CCDC47: variants seen among roughly 807,000 people sequenced by gnomAD.
CCDC47 encodes PAT complex subunit CCDC47.
CCDC47 carries 41 observed loss-of-function variants against 60.5 expected under a neutral mutation model. The observed-to-expected ratio is 0.68, with a 90% CI of 0.53 to 0.88. The LOEUF (loss-of-function observed/expected upper bound fraction) is 0.88. Among genes scored for constraint, CCDC47 ranks in the 40% least tolerant of loss-of-function variants. The pLI is 0.00. For synonymous variants in CCDC47, 195 were observed against 190.7 expected, an observed-to-expected ratio of 1.02 and a Z score of -0.18; for missense variants, 513 against 580.9, an observed-to-expected ratio of 0.88 and a Z score of 1.20.
intron 12 of CCDC47, among the ~76,000 whole-genome samples, chr17:63,749,644 G>C (rs1489951705): frequency 6.6e-6 from 1 of 151,700 alleles, no homozygotes; most frequent in Non-Finnish European, 1.5e-5. Flanking sequence ...AGCTACTAGG[G>C]AGGCTGAGGC....
rs1296666339 is a variant in CCDC47, at chr17:63,772,681, A to G, written c.-20+731T>C. 4 of 152,332 alleles carry G rather than the reference A, an allele frequency of 2.6e-5. No homozygotes were observed. The East Asian group carries it at 7.7e-4, about 29-fold the overall frequency. The allele number at this position is 152,332 out of a possible 1,614,324, so 9.4% of individuals were successfully genotyped here. On this transcript the variant is annotated intron_variant, in intron 1 of 12. Coordinates refer to ENST00000225726, the MANE Select transcript of CCDC47 (RefSeq NM_020198.3). ...CATTTCAAATTGAATTTCCAATTAG[A>G]ATATTCACACCATAGAAACACTTCT...
chr17:63,754,365 C>G lies in CCDC47; in HGVS notation c.1034+68G>C. The G allele has an allele frequency of 4.2e-6, 4 of 942,784 alleles. No individual in the cohort carries two copies. The South Asian group carries it at 5.6e-5, about 13-fold the overall frequency. 58.4% of individuals were successfully genotyped at this position (942,784 alleles called of 1,614,324 possible). On this transcript the variant is annotated intron_variant, in intron 9 of 12. Coordinates refer to ENST00000225726, the MANE Select transcript of CCDC47 (RefSeq NM_020198.3). ...TTGGTAAGGGATATTGCAGAAGCAC[C>G]TTACAGGTGTTTCAACACAGAAAGC...
At chr17:63,766,964 G>C (rs781009796) in intron 1 of CCDC47, 2 of 982,956 alleles carry the variant, frequency 2.0e-6, no homozygotes, top group African/African-American at 1.7e-5. Context: ...ATTATCATAA[G>C]AGCAAACACT....
Position 63,765,986 on chromosome 17 carries a change from C to A in CCDC47, c.190G>T (p.Glu64Ter). The A allele has an allele frequency of 1.2e-6, 2 of 1,614,120 alleles. No individual in the cohort carries two copies. The highest frequency in any genetic ancestry group is 1.7e-6 in the Non-Finnish European group (2 of 1,179,990). Residue 64 changes from glutamate (E) to a stop codon, truncating the protein, a stop_gained, in exon 2 of 13, where the codon GAA (glutamate) becomes TAA (stop). Coordinates refer to ENST00000225726, the MANE Select transcript of CCDC47 (RefSeq NM_020198.3). LOFTEE classifies it high-confidence loss of function. ...TCCAACTCCACAGTGGTCTCATCTT[C>A]ATCATCTTCAGTGATTATGACCCGT... ...PQRVIITEDD[E>*]DETTVELEGQ...
At position 63,747,055 on chromosome 17, in the gene CCDC47, A is replaced by G. The variant is rs1414426979; in HGVS notation, c.1372-94T>C. ...CATATGTTAAAAAAAAATCCAAATT[A>G]GAATACTGCCTATAGTATTATTCAA... On this transcript the variant is annotated intron_variant, in intron 12 of 12. Coordinates refer to ENST00000225726, the MANE Select transcript of CCDC47 (RefSeq NM_020198.3). 2.5e-5 allele frequency: 38 copies of G among 1,534,824 alleles called. No individual in the cohort carries two copies. In the Admixed American group the frequency reaches 7.9e-4, roughly 32 times the overall value.
chr17:63,764,929 G>A, intron 2 of CCDC47, 82 bp from the exon 3 acceptor site: 2 of 1,539,238 alleles, frequency 1.3e-6, no homozygotes, highest in Non-Finnish European at 8.7e-7. Context: ...CATTTGTTGG[G>A]GAAAACAAGA....
intron 4 of CCDC47, 35 bp downstream of exon 4, chr17:63,763,981 A>G: frequency 6.5e-7 from 1 of 1,537,382 alleles, no homozygotes; most frequent in Non-Finnish European, 8.7e-7. Context: ...GATTGTTTTC[A>G]AGCAAGAAGC....
At chr17:63,759,503 A>AG (rs2039233294) in intron 6 of CCDC47, among the ~76,000 whole-genome samples, 1 of 25,796 alleles carries the variant, frequency 3.9e-5, no homozygotes, top group Non-Finnish European at 5.7e-5. Flanking sequence ...AAAAAAAAAA[A>AG]AAAAAATATA....
intron 9 of CCDC47, 186 bp from the exon 10 acceptor site, chr17:63,752,985 G>T: frequency 1.1e-6 from 1 of 888,512 alleles, no homozygotes; most frequent in Non-Finnish European, 1.3e-6. Context: ...TCTATCTGAT[G>T]GATGCATTCT....
chr17:63,749,683 A>C (rs2039147962), intron 12 of CCDC47, among the ~76,000 whole-genome samples: 1 of 151,904 alleles, frequency 6.6e-6, no homozygotes, highest in South Asian at 2.1e-4. Flanking sequence ...CGGGAGGTGG[A>C]GGCTGCAGCG....
At chr17:63,765,302 A>T (rs2039289722) in intron 2 of CCDC47, among the ~76,000 whole-genome samples, 1 of 152,068 alleles carries the variant, frequency 6.6e-6, no homozygotes, top group Non-Finnish European at 1.5e-5. Flanking sequence ...CAAAACACCA[A>T]AATGATGAGT....
In CCDC47 at chr17:63,756,547, A is replaced by G. The variant is rs1161480561; in HGVS notation, c.759T>C (p.Asp253=). 1 of 1,613,404 alleles carries G rather than the reference A, an allele frequency of 6.2e-7. No individual in the cohort carries two copies. Reference sequence around the variant, plus strand: ...CAAATACGTAGGTATCCATGTCTTCATCATTCATGGTTACTTTTATTTGCT... The same window carrying G: ...CAAATACGTAGGTATCCATGTCTTCGTCATTCATGGTTACTTTTATTTGCT... The part of the protein sequence containing the change: ...DQVQIKVTMN[D]EDMDTYVFAV... Residue 253 remains aspartate, a synonymous_variant, in exon 7 of 13, where the codon GAT becomes GAC. Transcript: ENST00000225726.
chr17:63,755,258 C>T (rs895882030), intron 8 of CCDC47: 23 of 980,904 alleles, frequency 2.3e-5, no homozygotes, highest in Admixed American at 6.2e-5. Context: ...TGAACCACAG[C>T]GCGCGGACAA....
At chr17:63,765,834 A>G in intron 2 of CCDC47, 78 bp downstream of exon 2, 2 of 1,463,788 alleles carry the variant, frequency 1.4e-6, no homozygotes, top group Non-Finnish European at 1.8e-6. Context: ...AGGTCTCTTG[A>G]GCCTGAGGAT....
chr17:63,770,262 C>A, intron 1 of CCDC47, among the ~76,000 whole-genome samples: 1 of 151,990 alleles, frequency 6.6e-6, no homozygotes, highest in East Asian at 1.9e-4. Flanking sequence ...CATGAGCCAC[C>A]GTGCCCGGAC....
intron 12 of CCDC47, among the ~76,000 whole-genome samples, chr17:63,749,976 T>C (rs531227795): frequency 6.6e-6 from 1 of 151,838 alleles, no homozygotes; most frequent in East Asian, 1.9e-4. Flanking sequence ...TAAAAATAAA[T>C]TAAAAGAAAA....
At position 63,762,301 on chromosome 17, in the gene CCDC47, T is replaced by C. The variant is rs536824258; in HGVS notation, c.548-950A>G. ...GCCAAAGCTGCTCATTTATTTTTTT[T>C]CGAATTTCCTGGTCAAAACATACTC... is the stretch of plus-strand genomic sequence containing the variant. On this transcript the variant is annotated intron_variant, in intron 4 of 12. Coordinates refer to ENST00000225726, the MANE Select transcript of CCDC47 (RefSeq NM_020198.3). The C allele has an allele frequency of 3.1e-6, 3 of 952,558 alleles. No homozygotes were observed. In the South Asian group the frequency reaches 1.5e-4, roughly 46 times the overall value. 59.0% of individuals were successfully genotyped at this position (952,558 alleles called of 1,614,324 possible). A position where few individuals can be genotyped will look rare whatever the true frequency, so the allele number is the denominator to read the frequency against.
rs2039233628 is a variant in CCDC47 at position 63,759,505 on chromosome 17, AAAAATATATATATATATATATTT to A, written c.735+1386_735+1408del. ...TTCTGTCTCCCAAAAAAAAAAAAAA[AAAAATATATATATATATATATTT>A]ATATATATATATATATATATATATA... On this transcript the variant is annotated intron_variant, in intron 6 of 12. Transcript: ENST00000225726. Among the ~76,000 whole-genome samples the A allele has an allele frequency of 2.5e-4, 6 of 24,066 alleles. 1 individual carries two copies. In the African/African-American group the frequency reaches 3.0e-3, roughly 12 times the overall value. The allele number at this position is 24,066 out of a possible 152,430, so 15.8% of individuals were successfully genotyped here. A position where few individuals can be genotyped will look rare whatever the true frequency, so the allele number is the denominator to read the frequency against.
chr17:63,770,273 T>C (rs967829723), intron 1 of CCDC47, among the ~76,000 whole-genome samples: 1 of 151,960 alleles, frequency 6.6e-6, no homozygotes, highest in African/African-American at 2.4e-5. Context: ...GTGCCCGGAC[T>C]AATTTTTTTT....
Sources: allele counts gnomAD v4.1 joint callset (sites outside exome capture counted in the v4.1 genomes callset), GRCh38; gene constraint gnomAD v4.1.1; transcripts MANE v1.5; gene names NCBI Gene and HGNC (gene_info 2026-07-23, HGNC 2026-07-21).